EHD4: variants seen among roughly 807,000 people sequenced by gnomAD.
The protein encoded by EHD4 is EH domain-containing protein 4.
In EHD4, 37 loss-of-function variants were observed where a neutral mutation model predicts 51.0. The observed-to-expected ratio is 0.73, with a 90% confidence interval of 0.56 to 0.95. The LOEUF is 0.95. EHD4 is among the 40% of genes least tolerant of loss of function. The pLI, the probability that EHD4 is intolerant of heterozygous loss-of-function variation, is 0.00. For synonymous variants in EHD4, 297 were observed against 317.3 expected (o/e 0.94, Z 0.68); for missense variants, 632 against 733.1 (o/e 0.86, Z 1.59).
At chr15:41,902,691 T>C (rs11636923) in intron 5 of EHD4, among the ~76,000 whole-genome samples, 27,012 of 151,640 alleles carry the variant, frequency 0.18, 2,887 homozygotes, top group Middle Eastern at 0.38. Context: ...GGAAGACTGC[T>C]TGAGCCCAGG....
At chr15:41,918,454 A>C (rs764896943) in intron 4 of EHD4, among the ~76,000 whole-genome samples, 1 of 152,054 alleles carries the variant, frequency 6.6e-6, no homozygotes, top group African/African-American at 2.4e-5. Context: ...TTAAAGAGCC[A>C]TTTTTTTCTC....
At position 41,896,760 on chromosome 15, in the gene EHD4, C is replaced by A. The variant is rs569012422; in HGVS notation, c.*3885G>T. 147 of 152,488 alleles carry A rather than the reference C, an allele frequency of 9.6e-4. No individual in the cohort carries two copies. In the Middle Eastern group the frequency reaches 0.014, roughly 14 times the overall value. 9.4% of individuals were successfully genotyped at this position (152,488 alleles called of 1,614,324 possible). A position where few individuals can be genotyped will look rare whatever the true frequency, so the allele number is the denominator to read the frequency against. ...GTCACCTCCATGAGTCCCTCCTGTC[C>A]TGGCTTCCAACCACTCTGAAGTGGG... On this transcript the variant is annotated 3_prime_UTR_variant, in exon 6 of 6. Coordinates refer to ENST00000220325, the MANE Select transcript of EHD4 (RefSeq NM_139265.4).
intron 4 of EHD4, among the ~76,000 whole-genome samples, chr15:41,917,884 C>G (rs901240859): frequency 2.6e-5 from 4 of 152,184 alleles, no homozygotes; most frequent in African/African-American, 9.7e-5. Flanking sequence ...CACACCACTG[C>G]AGGTTAGCTG....
intron 5 of EHD4, among the ~76,000 whole-genome samples, chr15:41,906,977 A>G (rs1254323558): frequency 6.6e-6 from 1 of 152,198 alleles, no homozygotes; most frequent in Non-Finnish European, 1.5e-5. Context: ...TCCTGAGATC[A>G]TGCTTTCCTT....
At chr15:41,930,931 T>C (rs1444653534) in intron 3 of EHD4, among the ~76,000 whole-genome samples, 1 of 152,124 alleles carries the variant, frequency 6.6e-6, no homozygotes, top group African/African-American at 2.4e-5. Context: ...TTTAAAAAGG[T>C]ATACATGAAA....
intron 2 of EHD4, 35 bp from the exon 3 acceptor site, chr15:41,943,199 T>C: frequency 1.3e-6 from 2 of 1,529,300 alleles, no homozygotes. Flanking sequence ...GGTCAGAAAC[T>C]GGGCATCACA....
chr15:41,913,285 G>A (rs17686769), intron 4 of EHD4, among the ~76,000 whole-genome samples: 34,323 of 152,194 alleles, frequency 0.23, 4,331 homozygotes, highest in Middle Eastern at 0.42. Context: ...TGTGTCAAAG[G>A]TGTCTCCAAA....
Position 41,899,637 on chromosome 15 carries a change from C to T in EHD4, c.*1008G>A, listed in dbSNP as rs1179549118. On this transcript the variant is annotated 3_prime_UTR_variant, in exon 6 of 6. Transcript: ENST00000220325. ...CTGGTCCCTCATTCACCTGTGTCCA[C>T]AGGGCCGAAGACACTGCACACACTA... 6.6e-6 allele frequency: 1 copy of T among 152,130 alleles called. No individual in the cohort carries two copies. Among genetic ancestry groups the T allele is most frequent in the Non-Finnish European group, 1.5e-5 (1 of 68,030 alleles). 9.4% of individuals were successfully genotyped at this position (152,130 alleles called of 1,614,324 possible). A position where few individuals can be genotyped will look rare whatever the true frequency, so the allele number is the denominator to read the frequency against.
At position 41,947,343 on chromosome 15, in the gene EHD4, G is replaced by A. The variant is rs571944920; in HGVS notation, c.414-4179C>T. ...TCAGGGTGGGGAACAGGAGGTAGGA[G>A]ATTTAGGCTCCAGACGTCTCCCTTA... On this transcript the variant is annotated intron_variant, in intron 2 of 5. Transcript: ENST00000220325. 6.6e-5 allele frequency among the ~76,000 whole-genome samples: 10 copies of A among 152,294 alleles called. 1 individual carries two copies. The Middle Eastern group carries it at 0.014, about 207-fold the overall frequency.
At chr15:41,955,050 T>C (rs996035180) in intron 1 of EHD4, among the ~76,000 whole-genome samples, 4 of 152,214 alleles carry the variant, frequency 2.6e-5, no homozygotes, top group Non-Finnish European at 5.9e-5. Flanking sequence ...CACCCCAGAA[T>C]AGATACACCA....
intron 5 of EHD4, among the ~76,000 whole-genome samples, chr15:41,903,453 TACACACACACACACACACACAC>T (rs146543286): frequency 6.9e-6 from 1 of 144,384 alleles, no homozygotes; most frequent in African/African-American, 2.5e-5. Flanking sequence ...TTAACATACA[TACACACACACACACACACACAC>T]ACACACACAC....
At chr15:41,969,034 A>G (rs1048694744) in intron 1 of EHD4, among the ~76,000 whole-genome samples, 3 of 152,240 alleles carry the variant, frequency 2.0e-5, no homozygotes, top group East Asian at 1.9e-4. Context: ...GTGGTTTCTT[A>G]GGATTCTCTA....
intron 1 of EHD4, among the ~76,000 whole-genome samples, chr15:41,962,964 C>T (rs923084649): frequency 2.6e-5 from 4 of 152,166 alleles, no homozygotes; most frequent in African/African-American, 9.7e-5. Flanking sequence ...ATTCTTCTGC[C>T]TTGGGATGCT....
rs376227538 is a variant in EHD4 at position 41,955,352 on chromosome 15, C to T, written c.237-1412G>A. On this transcript the variant is annotated intron_variant, in intron 1 of 5. Coordinates refer to ENST00000220325, the MANE Select transcript of EHD4 (RefSeq NM_139265.4). ...GAATGCAAGCATTCAGACTCCAGAA[C>T]TTGCACTGTCTTCAGAAATGGCCTC... Among the ~76,000 whole-genome samples the T allele has an allele frequency of 1.4e-3, 209 of 152,240 alleles. 1 individual carries two copies. Among genetic ancestry groups the T allele is most frequent in the African/African-American group, 4.8e-3 (200 of 41,506 alleles).
chr15:41,902,746 CATATGTATGTGTATACAT>C (rs1380629367), intron 5 of EHD4, among the ~76,000 whole-genome samples: 7 of 148,544 alleles, frequency 4.7e-5, no homozygotes, highest in African/African-American at 1.5e-4. Flanking sequence ...TATATATATA[CATATGTATGTGTATACAT>C]ATATGTATGT....
At chr15:41,916,328 C>T (rs1019124596) in intron 4 of EHD4, among the ~76,000 whole-genome samples, 3 of 152,154 alleles carry the variant, frequency 2.0e-5, no homozygotes, top group South Asian at 4.1e-4. Context: ...TCACACTGAC[C>T]GAGGTTTGAA....
intron 4 of EHD4, among the ~76,000 whole-genome samples, chr15:41,911,902 C>T (rs779468877): frequency 1.3e-5 from 2 of 152,140 alleles, no homozygotes; most frequent in African/African-American, 4.8e-5. Flanking sequence ...GCTTAGTTCC[C>T]GCTCATCTGG....
At chr15:41,953,723 T>G in intron 2 of EHD4, 41 bp downstream of exon 2, 1 of 1,551,802 alleles carries the variant, frequency 6.4e-7, no homozygotes, top group African/African-American at 1.4e-5. Flanking sequence ...AAGAAAAGGT[T>G]TAAACAGCCT....
intron 2 of EHD4, among the ~76,000 whole-genome samples, chr15:41,944,747 C>T (rs572644156): frequency 2.8e-4 from 42 of 152,296 alleles, no homozygotes; most frequent in African/African-American, 1.0e-3. Flanking sequence ...CGGCTGGTTG[C>T]AGACTGCAAC....
Sources: allele counts gnomAD v4.1 joint callset (sites outside exome capture counted in the v4.1 genomes callset), GRCh38; gene constraint gnomAD v4.1.1; transcripts MANE v1.5; gene names NCBI Gene and HGNC (gene_info 2026-07-23, HGNC 2026-07-21).